Variants in CABLES2 observed in about 807,000 individuals in gnomAD.
The protein encoded by CABLES2 is Cdk5 and Abl enzyme substrate 2.
CABLES2 carries 35 observed loss-of-function variants against 44.8 expected under a neutral mutation model. The ratio of observed to expected loss-of-function variants is 0.78; its 90% CI spans 0.60 to 1.04. CABLES2 has a LOEUF of 1.04. Among genes scored for constraint, CABLES2 ranks in the 50% least tolerant of loss-of-function variants. CABLES2 has a pLI of 0.00. For missense variants in CABLES2, 566 were observed against 615.7 expected, an observed-to-expected ratio of 0.92 and a Z score of 0.85; for synonymous variants, 282 against 281.1, an observed-to-expected ratio of 1.00 and a Z score of -0.03.
intron 1 of CABLES2, among the ~76,000 whole-genome samples, chr20:62,406,450 C>G (rs1229482353): frequency 6.6e-6 from 1 of 151,982 alleles, no homozygotes; most frequent in Non-Finnish European, 1.5e-5. Flanking sequence ...ACCCTAAAAC[C>G]CATTTCAGAG....
chr20:62,391,434 T>C lies in CABLES2; in HGVS notation c.1111A>G (p.Ser371Gly). Residue 371 changes from serine (S) to glycine (G), a missense_variant, in exon 9 of 10, where the codon AGC becomes GGC. By Grantham distance (56) the Ser-to-Gly change is moderately conservative. This residue lies in a region of CABLES2 where 436 missense variants were observed against 536.3 expected (regional missense o/e 0.81). Transcript: ENST00000279101. This position sits in a 1 kb window ranked among gnomAD's most constrained non-coding sequence, Gnocchi z 5.7. ...TCCAGGCTGCACTCCTCCGACAGGC[T>C]CCGCATCTCCCGCTTTAAGCTGTGG... ...KIRSLKREMR[S>G]LSEECSLEPV... 2 of 1,613,130 alleles carry C rather than the reference T, an allele frequency of 1.2e-6. No homozygotes were observed. The highest frequency in any genetic ancestry group is 3.3e-5 in the Admixed American group (2 of 60,028).
Position 62,396,896 on chromosome 20 carries a change from C to T in CABLES2, c.363-304G>A, listed in dbSNP as rs1037825564. Among the ~76,000 whole-genome samples, 1 of 152,136 alleles carries T rather than the reference C, an allele frequency of 6.6e-6. No homozygotes were observed. Among genetic ancestry groups the T allele is most frequent in the African/African-American group, 2.4e-5 (1 of 41,428 alleles). ...CAGCACGCCAACCTGCCCTGCCCAC[C>T]GAGGGTCGCTCGGCCCCAAGCAACA... is the stretch of plus-strand genomic sequence containing the variant. On this transcript the variant is annotated intron_variant, in intron 1 of 9. Transcript: ENST00000279101. The surrounding 1 kb of genome is among the most constrained non-coding windows in gnomAD (Gnocchi z 5.7).
Position 62,391,558 on chromosome 20 carries a change from G to C in CABLES2, c.1092-105C>G. 2 of 1,137,680 alleles carry C rather than the reference G, an allele frequency of 1.8e-6. No homozygotes were observed. The allele number at this position is 1,137,680 out of a possible 1,614,324, so 70.5% of individuals were successfully genotyped here. Reference sequence around the variant, plus strand: ...GGCTGGAGCGATGTAGCTTTGGGCCGCAAGAAACACCACCGCATCCTTCAG... The same window carrying C: ...GGCTGGAGCGATGTAGCTTTGGGCCCCAAGAAACACCACCGCATCCTTCAG... On this transcript the variant is annotated intron_variant, in intron 8 of 9. Coordinates refer to ENST00000279101, the MANE Select transcript of CABLES2 (RefSeq NM_031215.3). This position sits in a 1 kb window ranked among gnomAD's most constrained non-coding sequence, Gnocchi z 5.7.
chr20:62,404,014 A>AC (rs1988236062), intron 1 of CABLES2: 1 of 151,948 alleles, frequency 6.6e-6, no homozygotes, highest in Non-Finnish European at 1.5e-5. Flanking sequence ...ATATAGTGAG[A>AC]CCCCATGTCT....
At chr20:62,394,013 G>T (rs544359247) in intron 5 of CABLES2, 144 bp downstream of exon 5, 1 of 694,278 alleles carries the variant, frequency 1.4e-6, no homozygotes, top group Non-Finnish European at 2.5e-6. Context: ...AGGGCTGCAC[G>T]GGCCCGCATC....
Position 62,392,905 on chromosome 20 carries a change from G to C in CABLES2, c.984+15C>G, listed in dbSNP as rs373663865. On this transcript the variant is annotated intron_variant, in intron 7 of 9. Transcript: ENST00000279101. Reference sequence around the variant, plus strand: ...TGCAGCTGCCTGCACCCAGGCCCTGGGAGAGGGCACTCACCATGTACGACG... The same window carrying C: ...TGCAGCTGCCTGCACCCAGGCCCTGCGAGAGGGCACTCACCATGTACGACG... 212 of 1,609,196 alleles carry C rather than the reference G, an allele frequency of 1.3e-4. 5 individuals are homozygous for C. The South Asian group carries it at 2.2e-3, about 17-fold the overall frequency.
chr20:62,397,133 C>T (rs1478964841), intron 1 of CABLES2, among the ~76,000 whole-genome samples: 1 of 152,246 alleles, frequency 6.6e-6, no homozygotes, highest in East Asian at 1.9e-4. Flanking sequence ...TCAGTGCCGT[C>T]ACGGGGGCTG....
intron 1 of CABLES2, among the ~76,000 whole-genome samples, chr20:62,397,761 C>A (rs1374386351): frequency 2.0e-5 from 3 of 152,212 alleles, no homozygotes; most frequent in Admixed American, 6.5e-5. Context: ...CCAGTTGATA[C>A]AACGTTGCAG....
intron 1 of CABLES2, chr20:62,404,461 A>C (rs531174705): frequency 6.6e-6 from 1 of 152,404 alleles, no homozygotes; most frequent in South Asian, 2.1e-4. Context: ...CAGGACTTTC[A>C]GAATTCTCTC....
intron 6 of CABLES2, 147 bp from the exon 7 acceptor site, chr20:62,393,170 T>A: frequency 2.6e-6 from 2 of 770,240 alleles, no homozygotes; most frequent in Non-Finnish European, 4.2e-6. Flanking sequence ...GCCCAGGGCT[T>A]AGGGCAAGAA....
rs909130356 is a variant in CABLES2 at position 62,389,526 on chromosome 20, C to T, written c.*1445G>A. On this transcript the variant is annotated 3_prime_UTR_variant, in exon 10 of 10. Coordinates refer to ENST00000279101, the MANE Select transcript of CABLES2 (RefSeq NM_031215.3). Reference sequence around the variant, plus strand: ...AGTTCTGTGATAGCAGAATTGGCATCTCCTTTCTGCGGAAGCACCAGTCTG... The same window carrying T: ...AGTTCTGTGATAGCAGAATTGGCATTTCCTTTCTGCGGAAGCACCAGTCTG... The T allele has an allele frequency of 6.6e-6, 1 of 152,258 alleles. No individual in the cohort carries two copies. Among genetic ancestry groups the T allele is most frequent in the East Asian group, 1.9e-4 (1 of 5,198 alleles). 9.4% of individuals were successfully genotyped at this position (152,258 alleles called of 1,614,324 possible). A position where few individuals can be genotyped will look rare whatever the true frequency, so the allele number is the denominator to read the frequency against.
chr20:62,398,439 C>A (rs185150420), intron 1 of CABLES2, among the ~76,000 whole-genome samples: 1 of 151,972 alleles, frequency 6.6e-6, no homozygotes, highest in African/African-American at 2.4e-5. Flanking sequence ...GGCCCCCAGG[C>A]TTGGCATGGG....
At position 62,391,278 on chromosome 20, in the gene CABLES2, G is replaced by T; in HGVS notation, c.1267C>A (p.Arg423Ser). 6.2e-7 allele frequency: 1 copy of T among 1,612,186 alleles called. No individual in the cohort carries two copies. Among genetic ancestry groups the T allele is most frequent in the Non-Finnish European group, 8.5e-7 (1 of 1,179,666 alleles). ...LLAAKISSDLRKSGVTQLIDK... is the reference protein window; with the variant it reads ...LLAAKISSDLSKSGVTQLIDK... ...ATGAGCTGCGTCACGCCGCTCTTGCGCAGGTCACTGCTGATCTTGGCAGCC... is the reference window on the plus strand; with the variant it reads ...ATGAGCTGCGTCACGCCGCTCTTGCTCAGGTCACTGCTGATCTTGGCAGCC... Residue 423 changes from arginine (R) to serine (S), a missense_variant, in exon 9 of 10, where the codon CGC becomes AGC. This residue lies in a region of CABLES2 where 436 missense variants were observed against 536.3 expected (regional missense o/e 0.81). Transcript: ENST00000279101. The surrounding 1 kb of genome is among the most constrained non-coding windows in gnomAD (Gnocchi z 5.7).
rs1294435864 is a variant in CABLES2 at position 62,391,168 on chromosome 20, A to C, written c.1297-57T>G. On this transcript the variant is annotated intron_variant, in intron 9 of 9. Transcript: ENST00000279101. The surrounding 1 kb of genome is among the most constrained non-coding windows in gnomAD (Gnocchi z 5.7). Reference sequence around the variant, plus strand: ...GAGCCTTCCCTCTTCCACATTTCCCACCCGGCCAGCCCCATCCCAGCAGTG... The same window carrying C: ...GAGCCTTCCCTCTTCCACATTTCCCCCCCGGCCAGCCCCATCCCAGCAGTG... The C allele has an allele frequency of 1.2e-6, 2 of 1,605,308 alleles. No homozygotes were observed. Among genetic ancestry groups the C allele is most frequent in the Non-Finnish European group, 8.5e-7 (1 of 1,173,758 alleles).
At chr20:62,403,137 G>GACAT (rs1988219677) in intron 1 of CABLES2, 2 of 152,280 alleles carry the variant, frequency 1.3e-5, no homozygotes, top group Non-Finnish European at 2.9e-5. Context: ...TGCAATTTGG[G>GACAT]GAAAGTTGTT....
At chr20:62,398,087 G>GGTGGTGGTA (rs1569017549) in intron 1 of CABLES2, among the ~76,000 whole-genome samples, 1 of 63,202 alleles carries the variant, frequency 1.6e-5, no homozygotes, top group Non-Finnish European at 3.2e-5. Flanking sequence ...TGGTGGTGGT[G>GGTGGTGGTA]ACGGTGGTGG....
Position 62,390,584 on chromosome 20 carries a change from G to GAT in CABLES2, c.*386_*387insAT. The GAT allele has an allele frequency of 4.4e-6, 1 of 226,248 alleles. No homozygotes were observed. Among genetic ancestry groups the GAT allele is most frequent in the Non-Finnish European group, 8.9e-6 (1 of 112,242 alleles). The allele number at this position is 226,248 out of a possible 1,614,324, so 14.0% of individuals were successfully genotyped here. On this transcript the variant is annotated 3_prime_UTR_variant, in exon 10 of 10. Coordinates refer to ENST00000279101, the MANE Select transcript of CABLES2 (RefSeq NM_031215.3). ...AGATCTCCACCCTGACGCTGTGGTG[G>GAT]CTGCGGTGGTTTGCAGAAGGCGAGG...
At chr20:62,405,634 G>A (rs1411956687) in intron 1 of CABLES2, 1 of 152,296 alleles carries the variant, frequency 6.6e-6, no homozygotes, top group African/African-American at 2.4e-5. Context: ...CCCAACCAAA[G>A]ACCTTAGAGG....
chr20:62,397,972 C>CGGTGGTG (rs1569017249), intron 1 of CABLES2, among the ~76,000 whole-genome samples: 2 of 51,706 alleles, frequency 3.9e-5, no homozygotes, highest in Non-Finnish European at 7.5e-5. Context: ...ATGGTGGTGA[C>CGGTGGTG]AGTGGTGATG....
Sources: gnomAD v4.1 joint callset for allele counts (sites outside exome capture counted in the v4.1 genomes callset) on GRCh38, gnomAD v4.1.1 for gene constraint, gnomAD v4.1.1 regional missense constraint, Gnocchi (gnomAD v3.1) non-coding constraint, MANE v1.5 for transcripts, NCBI Gene and HGNC (gene_info 2026-07-23, HGNC 2026-07-21) for gene names.